MED27: variants seen among roughly 807,000 people sequenced by gnomAD.
MED27 encodes the protein mediator complex subunit 27.
A neutral mutation model predicts 38.2 loss-of-function variants in MED27; 30 were observed. The ratio of observed to expected loss-of-function variants is 0.79; its 90% confidence interval spans 0.59 to 1.07. The LOEUF (loss-of-function observed/expected upper bound fraction) is 1.07. Among genes scored for constraint, MED27 ranks in the 50% least tolerant of loss-of-function variants. The pLI is 0.00. For synonymous variants in MED27, 122 were observed against 153.5 expected (o/e 0.79, Z 1.52); for missense variants, 289 against 397.5 (o/e 0.73, Z 2.32).
chr9:132,073,296 A>G (rs11243614), intron 2 of MED27: 161,187 of 981,648 alleles, frequency 0.16, 13,405 homozygotes, highest in East Asian at 0.3. Flanking sequence ...GTACTTCATC[A>G]AAAATACAAG....
chr9:131,943,358 T>C (rs1345087930), intron 3 of MED27, among the ~76,000 whole-genome samples: 1 of 151,990 alleles, frequency 6.6e-6, no homozygotes, highest in African/African-American at 2.4e-5. Flanking sequence ...GAGACAAAAA[T>C]GACACTCTTT....
In MED27 at chr9:131,976,029, T is replaced by C. The variant is rs944656957; in HGVS notation, c.480-36555A>G. Among the ~76,000 whole-genome samples the C allele has an allele frequency of 1.1e-4, 17 of 152,142 alleles. No individual in the cohort carries two copies. In the South Asian group the frequency reaches 1.9e-3, roughly 17 times the overall value. On this transcript the variant is annotated intron_variant, in intron 3 of 7. Transcript: ENST00000292035. ...TAGCAGGGTCTGTGATCAAAGGCCA[T>C]GGGGTGTGAGGTAGGCAGTTTTCCA... is the stretch of plus-strand genomic sequence containing the variant.
At chr9:131,949,682 T>C (rs1830951517) in intron 3 of MED27, among the ~76,000 whole-genome samples, 1 of 152,218 alleles carries the variant, frequency 6.6e-6, no homozygotes, top group Non-Finnish European at 1.5e-5. Flanking sequence ...AATCAATTGA[T>C]GGTTTTCTTT....
chr9:131,951,839 G>A (rs1831004340), intron 3 of MED27, among the ~76,000 whole-genome samples: 1 of 152,184 alleles, frequency 6.6e-6, no homozygotes, highest in Admixed American at 6.5e-5. Flanking sequence ...ACACCTCGAA[G>A]CATGAGCTTT....
At chr9:132,049,372 T>G (rs1833412468) in intron 2 of MED27, among the ~76,000 whole-genome samples, 1 of 152,148 alleles carries the variant, frequency 6.6e-6, no homozygotes. Context: ...GGTGTGGCCC[T>G]AAATCAGGCT....
chr9:132,045,455 G>C lies in MED27; in HGVS notation c.349-30988C>G, dbSNP rs7040723. Among the ~76,000 whole-genome samples, 368 of 111,522 alleles carry C rather than the reference G, an allele frequency of 3.3e-3. 2 individuals are homozygous for C. The highest frequency in any genetic ancestry group is 0.014 in the Middle Eastern group (3 of 222). 73.2% of individuals were successfully genotyped at this position (111,522 alleles called of 152,430 possible). On this transcript the variant is annotated intron_variant, in intron 2 of 7. Transcript: ENST00000292035. ...ACACACACACACACACACACACACA[G>C]ACACACACCTTTTACATGCATAATA...
chr9:132,077,633 T>C (rs1389166946), intron 1 of MED27, 47 bp from the exon 2 acceptor site: 1 of 1,603,422 alleles, frequency 6.2e-7, no homozygotes, highest in Non-Finnish European at 8.5e-7. Context: ...CCATTTACAC[T>C]CCAGGGTAAA....
chr9:132,002,740 C>T (rs531258587), intron 3 of MED27, among the ~76,000 whole-genome samples: 7 of 151,906 alleles, frequency 4.6e-5, no homozygotes, highest in African/African-American at 1.2e-4. Flanking sequence ...GGTGAAACCC[C>T]GTCTCTACTA....
At chr9:132,079,055 T>C (rs1834116627) in intron 1 of MED27, among the ~76,000 whole-genome samples, 1 of 152,100 alleles carries the variant, frequency 6.6e-6, no homozygotes, top group Non-Finnish European at 1.5e-5. Flanking sequence ...AGGTCTCTAC[T>C]GCGGAAGGAA....
intron 3 of MED27, among the ~76,000 whole-genome samples, chr9:131,993,054 G>C (rs1247274161): frequency 6.6e-6 from 1 of 152,166 alleles, no homozygotes; most frequent in Non-Finnish European, 1.5e-5. Context: ...TCTCACTCCA[G>C]AACCTGTTTG....
chr9:132,045,930 C>G (rs1441393862), intron 2 of MED27, among the ~76,000 whole-genome samples: 1 of 152,144 alleles, frequency 6.6e-6, no homozygotes, highest in East Asian at 1.9e-4. Context: ...GAATGAAAGC[C>G]TAATGGCTGG....
intron 5 of MED27, among the ~76,000 whole-genome samples, chr9:131,885,963 C>T (rs1839132988): frequency 6.6e-6 from 1 of 152,058 alleles, no homozygotes; most frequent in South Asian, 2.1e-4. Context: ...CAGGTAGAGC[C>T]CTGGGCCATG....
At chr9:131,871,146 C>A (rs937314996) in intron 6 of MED27, among the ~76,000 whole-genome samples, 1 of 152,184 alleles carries the variant, frequency 6.6e-6, no homozygotes, top group African/African-American at 2.4e-5. Context: ...TCCAGGTGTG[C>A]GTCCTGCTGT....
chr9:131,985,901 T>C (rs889953703), intron 3 of MED27, among the ~76,000 whole-genome samples: 12 of 151,910 alleles, frequency 7.9e-5, no homozygotes, highest in Non-Finnish European at 1.6e-4. Flanking sequence ...CCTGACCCTG[T>C]GTAGGCCTAG....
intron 2 of MED27, among the ~76,000 whole-genome samples, chr9:132,037,407 G>T (rs941394476): frequency 6.6e-6 from 1 of 152,152 alleles, no homozygotes; most frequent in Non-Finnish European, 1.5e-5. Context: ...AGATACCTAG[G>T]TACTAGTTCA....
intron 3 of MED27, among the ~76,000 whole-genome samples, chr9:131,963,770 CTT>C (rs1275328389): frequency 6.6e-6 from 1 of 152,158 alleles, no homozygotes; most frequent in African/African-American, 2.4e-5. Context: ...CATCTCCTCT[CTT>C]GTTATATAAG....
rs369734255 is a variant in MED27 at position 131,999,868 on chromosome 9, G to A, written c.479+14469C>T. On this transcript the variant is annotated intron_variant, in intron 3 of 7. Transcript: ENST00000292035. ...ATGAAATACTTAAGCAAAACTTGGA[G>A]TGTTTGGACTTGTTGGTGTTCCAGC... Among the ~76,000 whole-genome samples, 56 of 152,210 alleles carry A rather than the reference G, an allele frequency of 3.7e-4. No individual in the cohort carries two copies. In the East Asian group the frequency reaches 1.0e-2, roughly 27 times the overall value.
rs192721052 is a variant in MED27, at chr9:131,875,900, C to T, written c.723+8158G>A. On this transcript the variant is annotated intron_variant, in intron 6 of 7. Transcript: ENST00000292035. ...GCTGGGATTACAGGCATGACCCACG[C>T]GCCCGGCTGCGTCTCTGTTTTACAG... Among the ~76,000 whole-genome samples, 96 of 152,320 alleles carry T rather than the reference C, an allele frequency of 6.3e-4. 1 individual carries two copies. Among genetic ancestry groups the T allele is most frequent in the African/African-American group, 7.2e-5 (3 of 41,564 alleles).
intron 3 of MED27, among the ~76,000 whole-genome samples, chr9:132,008,672 A>C (rs902764770): frequency 6.6e-6 from 1 of 152,218 alleles, no homozygotes; most frequent in Non-Finnish European, 1.5e-5. Flanking sequence ...CACATCGTAC[A>C]CAGCTCCTGC....
Sources: gnomAD v4.1 joint callset for allele counts (sites outside exome capture counted in the v4.1 genomes callset) on GRCh38, gnomAD v4.1.1 for gene constraint, MANE v1.5 for transcripts, NCBI Gene and HGNC (gene_info 2026-07-23, HGNC 2026-07-21) for gene names.